Variants in ICE2 observed in about 807,000 individuals in gnomAD.
The protein encoded by ICE2 is little elongation complex subunit 2.
ICE2 carries 87 observed loss-of-function variants against 105.4 expected under a neutral mutation model. The observed-to-expected ratio is 0.83, with a 90% CI of 0.69 to 0.99. The LOEUF is 0.99. ICE2 is among the 50% of genes least tolerant of loss of function. The pLI is 0.00. For missense variants in ICE2, 1,323 were observed against 1,146.7 expected (o/e 1.15, Z -2.22); for synonymous variants, 399 against 392.0 (o/e 1.02, Z -0.21).
At chr15:60,433,332 C>T (rs547002776) in intron 13 of ICE2, among the ~76,000 whole-genome samples, 2 of 151,682 alleles carry the variant, frequency 1.3e-5, no homozygotes, top group African/African-American at 2.4e-5. Flanking sequence ...ATGATCCACC[C>T]GCCTCAGCTT....
chr15:60,473,344 T>A (rs1054003133), intron 3 of ICE2, among the ~76,000 whole-genome samples: 1 of 151,634 alleles, frequency 6.6e-6, no homozygotes, highest in Non-Finnish European at 1.5e-5. Flanking sequence ...CAGGCTGGAG[T>A]GCAGTGGCGT....
chr15:60,445,573 G>C (rs893105738), intron 11 of ICE2: 3 of 961,002 alleles, frequency 3.1e-6, no homozygotes, highest in Non-Finnish European at 3.7e-6. Flanking sequence ...CTTCTATTTA[G>C]ACAGTCTTTA....
At chr15:60,457,835 C>T (rs570762057) in intron 5 of ICE2, among the ~76,000 whole-genome samples, 3 of 152,154 alleles carry the variant, frequency 2.0e-5, no homozygotes, top group African/African-American at 4.8e-5. Context: ...ACTGCAAACT[C>T]GTATCTGCAA....
In ICE2 at chr15:60,468,263, C is replaced by T; in HGVS notation, c.206G>A (p.Ser69Asn). 1 of 1,613,372 alleles carries T rather than the reference C, an allele frequency of 6.2e-7. No individual in the cohort carries two copies. The highest frequency in any genetic ancestry group is 8.5e-7 in the Non-Finnish European group (1 of 1,179,390). Reference sequence around the variant, plus strand: ...TTTTTCCTTTGCTTGAGTTGCTGAACTAACTGCCGGCTCATTTTCTACAGA... The same window carrying T: ...TTTTTCCTTTGCTTGAGTTGCTGAATTAACTGCCGGCTCATTTTCTACAGA... ...ASSVENEPAV[S>N]SATQAKEKVK... The change falls in exon 4 of 16, where the codon AGT becomes AAT. Residue 69 changes from serine (S) to asparagine (N), a missense_variant. Ser to Asn is a conservative substitution (Grantham distance 46, BLOSUM62 1). Transcript: ENST00000261520.
intron 5 of ICE2, among the ~76,000 whole-genome samples, chr15:60,459,709 G>C (rs1011609991): frequency 6.6e-6 from 1 of 152,186 alleles, no homozygotes; most frequent in Non-Finnish European, 1.5e-5. Context: ...GGGATGTAAT[G>C]AGAGTCAAAA....
rs569285680 is a variant in ICE2, at chr15:60,428,331, T to C, written c.2820+98A>G. 9 of 1,274,050 alleles carry C rather than the reference T, an allele frequency of 7.1e-6. No individual in the cohort carries two copies. The African/African-American group carries it at 1.0e-4, about 15-fold the overall frequency. The allele number at this position is 1,274,050 out of a possible 1,614,324, so 78.9% of individuals were successfully genotyped here. A position where few individuals can be genotyped will look rare whatever the true frequency, so the allele number is the denominator to read the frequency against. ...GCTTTTAGAATGGTGCTGTGATTAA[T>C]ATGACAATGAGAACATCAGGGTGAA... On this transcript the variant is annotated intron_variant, in intron 15 of 15. Transcript: ENST00000261520.
Position 60,467,564 on chromosome 15 carries a change from T to C in ICE2, c.408+497A>G, listed in dbSNP as rs2064465652. Among the ~76,000 whole-genome samples, 3 of 152,234 alleles carry C rather than the reference T, an allele frequency of 2.0e-5. No individual in the cohort carries two copies. The South Asian group carries it at 6.2e-4, about 31-fold the overall frequency. On this transcript the variant is annotated intron_variant, in intron 4 of 15. Transcript: ENST00000261520. ...AAGATAGTTTTTTCAAAACCTGTCA[T>C]ACAACAGAGGTACAAACAAACTGGT...
At position 60,448,851 on chromosome 15, in the gene ICE2, C is replaced by G. The variant is rs1566985159; in HGVS notation, c.2116G>C (p.Gly706Arg). 1.9e-6 allele frequency: 3 copies of G among 1,577,554 alleles called. No homozygotes were observed. The South Asian group carries it at 3.5e-5, about 19-fold the overall frequency. ...CTCTTTGTAAATATTTACTTACGTCCTTTTGGCTTCTGAAATGCAGAAGGC... is the reference window on the plus strand; with the variant it reads ...CTCTTTGTAAATATTTACTTACGTCGTTTTGGCTTCTGAAATGCAGAAGGC... Reference protein sequence around the residue: ...GWPSAFQKPKGRLPYELQDYV... With the variant: ...GWPSAFQKPKRRLPYELQDYV... The change falls in exon 10 of 16, where the codon GGA becomes CGA. Residue 706 changes from glycine (G) to arginine (R), a missense_variant. Transcript: ENST00000261520.
At chr15:60,428,774 G>A in intron 14 of ICE2, 87 bp from the exon 15 acceptor site, 2 of 1,376,318 alleles carry the variant, frequency 1.5e-6, no homozygotes, top group Non-Finnish European at 2.0e-6. Context: ...TAGTAAAATT[G>A]AAAATTATGA....
chr15:60,477,958 A>T lies in ICE2; in HGVS notation c.20T>A (p.Ile7Lys), dbSNP rs1167637825. The change falls in exon 2 of 16, where the codon ATA becomes AAA. Residue 7 changes from isoleucine (I) to lysine (K), a missense_variant. Physicochemically the swap from Ile to Lys is moderately radical, Grantham distance 102. Transcript: ENST00000261520. ...TCACCAATTCAGTCCTGGTTCACTT[A>T]TGACCATCTTGGAGCTCATCTTCCT... MSSKMV[I>K]SEPGLNWDIS... The T allele has an allele frequency of 6.2e-6, 10 of 1,614,136 alleles. No individual in the cohort carries two copies. In the East Asian group the frequency reaches 2.2e-4, roughly 36 times the overall value.
intron 9 of ICE2, chr15:60,451,447 A>G (rs1405092796): frequency 1.0e-6 from 1 of 980,448 alleles, no homozygotes; most frequent in Non-Finnish European, 1.2e-6. Flanking sequence ...AAATGTAAAC[A>G]AACAATAAAC....
At chr15:60,455,823 G>A (rs572458426) in intron 6 of ICE2, among the ~76,000 whole-genome samples, 17 of 152,070 alleles carry the variant, frequency 1.1e-4, no homozygotes, top group African/African-American at 4.1e-4. Flanking sequence ...TCGTCATATT[G>A]GCCAGGCTGG....
Position 60,420,874 on chromosome 15 carries a change from TCTAA to T in ICE2, c.*2756_*2759del, listed in dbSNP as rs1333188460. The T allele has an allele frequency of 5.9e-5, 9 of 152,322 alleles. No homozygotes were observed. Among genetic ancestry groups the T allele is most frequent in the South Asian group, 2.1e-4 (1 of 4,826 alleles). The allele number at this position is 152,322 out of a possible 1,614,324, so 9.4% of individuals were successfully genotyped here. A position where few individuals can be genotyped will look rare whatever the true frequency, so the allele number is the denominator to read the frequency against. On this transcript the variant is annotated 3_prime_UTR_variant, in exon 16 of 16. Coordinates refer to ENST00000261520, the MANE Select transcript of ICE2 (RefSeq NM_024611.6). Reference sequence around the variant, plus strand: ...TCTTTGATACCTACACATTCATGCATCTAACTAATATCTGCTAAGCAACTACATG... The same window carrying T: ...TCTTTGATACCTACACATTCATGCATCTAATATCTGCTAAGCAACTACATG...
intron 2 of ICE2, among the ~76,000 whole-genome samples, chr15:60,476,717 G>A (rs1343043725): frequency 6.6e-6 from 1 of 152,176 alleles, no homozygotes; most frequent in Non-Finnish European, 1.5e-5. Context: ...AATTAATTTA[G>A]AGACTAACAT....
chr15:60,466,828 C>A, intron 4 of ICE2, 115 bp from the exon 5 acceptor site: 1 of 850,234 alleles, frequency 1.2e-6, no homozygotes, highest in Non-Finnish European at 1.8e-6. Flanking sequence ...GTATCAAATC[C>A]AAAGCAGAAA....
chr15:60,448,826 C>G, intron 10 of ICE2, 22 bp downstream of exon 10: 1 of 1,551,994 alleles, frequency 6.4e-7, no homozygotes, highest in Non-Finnish European at 8.7e-7. Flanking sequence ...ACACTGTAAG[C>G]TCTTTGTAAA....
chr15:60,447,889 T>G, intron 11 of ICE2, 81 bp downstream of exon 11: 1 of 1,206,778 alleles, frequency 8.3e-7, no homozygotes, highest in Non-Finnish European at 1.2e-6. Context: ...GCTCAACAAT[T>G]TAAACTTCAC....
chr15:60,429,820 AT>A (rs1288774770), intron 14 of ICE2, among the ~76,000 whole-genome samples: 3 of 152,160 alleles, frequency 2.0e-5, no homozygotes, highest in African/African-American at 7.2e-5. Flanking sequence ...AATAAATAAC[AT>A]TTCAAAGATT....
At chr15:60,423,818 A>T in intron 15 of ICE2, 56 bp from the exon 16 acceptor site, 1 of 1,425,494 alleles carries the variant, frequency 7.0e-7, no homozygotes. Context: ...ATACCTATAT[A>T]CAGTCAACTC....
Sources: allele counts gnomAD v4.1 joint callset (sites outside exome capture counted in the v4.1 genomes callset), GRCh38; gene constraint gnomAD v4.1.1; transcripts MANE v1.5; gene names NCBI Gene and HGNC (gene_info 2026-07-23, HGNC 2026-07-21).